AOPEP: variants seen among roughly 807,000 people sequenced by gnomAD.
AOPEP encodes aminopeptidase O.
In AOPEP, 77 loss-of-function variants were observed where a neutral mutation model predicts 98.1. The observed-to-expected ratio is 0.78, with a 90% CI of 0.65 to 0.95. The LOEUF (loss-of-function observed/expected upper bound fraction) is 0.95, where lower values mean the gene tolerates loss of function less well. Among genes scored for constraint, AOPEP ranks in the 40% least tolerant of loss-of-function variants. The probability of loss-of-function intolerance (pLI) is 0.00; values close to 1 mark genes in which losing one functional copy is unlikely to be tolerated. For missense variants in AOPEP, 1,024 were observed against 1,024.7 expected (o/e 1.00, Z 0.01); for synonymous variants, 346 against 365.3 (o/e 0.95, Z 0.60).
chr9:95,123,996 G>A, the AOPEP span: 6 of 340,770 alleles, frequency 1.8e-5, no homozygotes, highest in South Asian at 2.4e-5. Context: ...CCAGCTACAC[G>A]CAGGGGCTGA....
intron 13 of AOPEP, among the ~76,000 whole-genome samples, chr9:95,049,739 A>G (rs996379793): frequency 1.3e-5 from 2 of 152,210 alleles, no homozygotes; most frequent in Non-Finnish European, 2.9e-5. Context: ...CATACATTTG[A>G]GAATTTAGAT....
At chr9:94,828,924 A>C (rs1855291190) in intron 5 of AOPEP, among the ~76,000 whole-genome samples, 1 of 151,046 alleles carries the variant, frequency 6.6e-6, no homozygotes, top group Non-Finnish European at 1.5e-5. Flanking sequence ...GCTGGAGTGC[A>C]GTGGCCCAAT....
intron 1 of AOPEP, among the ~76,000 whole-genome samples, chr9:94,728,956 T>C (rs1379064614): frequency 2.0e-5 from 3 of 152,150 alleles, no homozygotes; most frequent in African/African-American, 4.8e-5. Context: ...TGAGGAAAGT[T>C]GGTAGAAGTT....
chr9:94,962,012 T>A (rs1193534457), intron 9 of AOPEP, among the ~76,000 whole-genome samples: 16 of 152,200 alleles, frequency 1.1e-4, no homozygotes, highest in Admixed American at 1.0e-3. Flanking sequence ...GAAACTTGGA[T>A]GTTATGTGTA....
At chr9:95,038,126 C>G (rs756920759) in intron 13 of AOPEP, among the ~76,000 whole-genome samples, 1 of 152,106 alleles carries the variant, frequency 6.6e-6, no homozygotes, top group Non-Finnish European at 1.5e-5. Context: ...GGAGAAGAAC[C>G]TAAGTTTTCT....
the AOPEP span, chr9:95,111,577 C>A: frequency 6.2e-7 from 1 of 1,614,226 alleles, no homozygotes; most frequent in Admixed American, 1.7e-5. Flanking sequence ...CTGCCACCAT[C>A]TCAGCCCATC....
chr9:95,113,392 C>T, the AOPEP span, among the ~76,000 whole-genome samples: 1 of 152,156 alleles, frequency 6.6e-6, no homozygotes, highest in African/African-American at 2.4e-5. Context: ...AAATTATACT[C>T]TGAAAGAGGA....
chr9:94,866,339 C>T (rs1484028918), intron 5 of AOPEP, among the ~76,000 whole-genome samples: 1 of 152,178 alleles, frequency 6.6e-6, no homozygotes, highest in African/African-American at 2.4e-5. Flanking sequence ...TCTTAACCAG[C>T]TCAGGGTTTA....
At chr9:95,066,461 G>T (rs1420117506) in intron 14 of AOPEP, among the ~76,000 whole-genome samples, 1 of 152,196 alleles carries the variant, frequency 6.6e-6, no homozygotes, top group Non-Finnish European at 1.5e-5. Context: ...AGCAAGCCAT[G>T]GACAGCATAA....
At chr9:94,928,338 C>G in intron 6 of AOPEP, 87 bp from the exon 7 acceptor site, 1 of 919,982 alleles carries the variant, frequency 1.1e-6, no homozygotes, top group Non-Finnish European at 1.7e-6. Context: ...ATCTTGTCCC[C>G]CATTGAAACA....
At chr9:94,970,637 G>T (rs960654850) in intron 10 of AOPEP, among the ~76,000 whole-genome samples, 1 of 151,494 alleles carries the variant, frequency 6.6e-6, no homozygotes, top group Non-Finnish European at 1.5e-5. Context: ...AAGTGTTTCA[G>T]GAGGCTGCTC....
chr9:94,751,734 A>G (rs914189896), intron 1 of AOPEP, among the ~76,000 whole-genome samples: 13 of 150,366 alleles, frequency 8.6e-5, no homozygotes, highest in Admixed American at 4.6e-4. Context: ...AATACCCTAC[A>G]TGAAAATTTC....
chr9:94,780,829 A>G (rs756837539), intron 3 of AOPEP, among the ~76,000 whole-genome samples: 2 of 152,216 alleles, frequency 1.3e-5, no homozygotes, highest in African/African-American at 2.4e-5. Context: ...CACAGTTTCC[A>G]TCACAGTGAC....
intron 13 of AOPEP, among the ~76,000 whole-genome samples, chr9:95,045,596 A>G (rs922849221): frequency 2.0e-5 from 3 of 152,192 alleles, no homozygotes; most frequent in African/African-American, 7.2e-5. Flanking sequence ...CCTTGCACCC[A>G]CCCTGGGGCC....
intron 11 of AOPEP, among the ~76,000 whole-genome samples, chr9:94,996,200 C>G (rs1564497662): frequency 6.6e-6 from 1 of 152,144 alleles, no homozygotes; most frequent in Non-Finnish European, 1.5e-5. Context: ...CCAATTAATT[C>G]TGGCCCTTCC....
intron 5 of AOPEP, among the ~76,000 whole-genome samples, chr9:94,871,533 CTGTTTTTGGTTT>C (rs1224249627): frequency 6.6e-6 from 1 of 152,186 alleles, no homozygotes; most frequent in East Asian, 1.9e-4. Flanking sequence ...TCAGCATGTG[CTGTTTTTGGTTT>C]TACTAATGTT....
At chr9:95,119,453 C>T in the AOPEP span, among the ~76,000 whole-genome samples, 524 of 150,948 alleles carry the variant, frequency 3.5e-3, 2 homozygotes, top group Middle Eastern at 3.4e-3. Flanking sequence ...GCAACCTCCA[C>T]CTCCCAGGTT....
intron 5 of AOPEP, among the ~76,000 whole-genome samples, chr9:94,899,295 C>A (rs1047284300): frequency 4.8e-5 from 7 of 144,476 alleles, no homozygotes; most frequent in Non-Finnish European, 1.0e-4. Flanking sequence ...CGCCATTCTC[C>A]TGCCTCAGCC....
intron 2 of AOPEP, 169 bp downstream of exon 2, chr9:94,760,749 T>A (rs1361961869): frequency 1.4e-5 from 7 of 513,762 alleles, no homozygotes; most frequent in Non-Finnish European, 2.3e-5. Flanking sequence ...TTCCCAGGCA[T>A]GCTAAACCCT....
Sources: gnomAD v4.1 joint callset for allele counts (sites outside exome capture counted in the v4.1 genomes callset) on GRCh38, gnomAD v4.1.1 for gene constraint, MANE v1.5 for transcripts, NCBI Gene and HGNC (gene_info 2026-07-23, HGNC 2026-07-21) for gene names.